The following PTPRN2 variants were observed in gnomAD, a reference collection of about 807,000 sequenced individuals.
The protein encoded by PTPRN2 is receptor-type tyrosine-protein phosphatase N2.
A neutral mutation model predicts 118.8 loss-of-function variants in PTPRN2; 74 were observed. The observed-to-expected ratio is 0.62, with a 90% CI of 0.52 to 0.76. The LOEUF (loss-of-function observed/expected upper bound fraction) is 0.76, where lower values mean the gene tolerates loss of function less well. Among genes scored for constraint, PTPRN2 ranks in the 30% least tolerant of loss-of-function variants. PTPRN2 has a pLI of 0.00. For synonymous variants in PTPRN2, 641 were observed against 608.0 expected (o/e 1.05, Z -0.80); for missense variants, 1,481 against 1,394.4 (o/e 1.06, Z -0.99).
chr7:157,818,165 AGGTGTGT>A (rs1806551226), intron 12 of PTPRN2, among the ~76,000 whole-genome samples: 4 of 148,808 alleles, frequency 2.7e-5, no homozygotes, highest in African/African-American at 9.9e-5. Flanking sequence ...TGTGTGTGGT[AGGTGTGT>A]GGTGTGTGTG....
rs138117211 is a variant in PTPRN2 at position 158,293,571 on chromosome 7, G to A, written c.277+23248C>T. Among the ~76,000 whole-genome samples the A allele has an allele frequency of 2.9e-3, 434 of 150,830 alleles. 11 individuals are homozygous for A. The highest frequency in any genetic ancestry group is 0.022 in the Admixed American group (330 of 15,202). On this transcript the variant is annotated intron_variant, in intron 3 of 22. Coordinates refer to ENST00000389418, the MANE Select transcript of PTPRN2 (RefSeq NM_002847.5). ...AGCCTAGGTGACAGAGCAAGACTCT[G>A]TCTCGAAAAAAAAAAATAGTAACTT...
chr7:158,359,578 T>A (rs1465767084), intron 2 of PTPRN2, among the ~76,000 whole-genome samples: 9 of 152,084 alleles, frequency 5.9e-5, no homozygotes, highest in Non-Finnish European at 1.2e-4. Context: ...ACACTCTAGG[T>A]TGTTTTTTCA....
chr7:158,071,392 AGGTGCTCGTGGTGGAGTTGCTCC>A (rs1811560723), intron 11 of PTPRN2, among the ~76,000 whole-genome samples: 1 of 37,742 alleles, frequency 2.6e-5, no homozygotes, highest in East Asian at 1.0e-3. Context: ...CTCGTGGTGG[AGGTGCTCGTGGTGGAGTTGCTCC>A]TGGTGGTGGA....
intron 9 of PTPRN2, among the ~76,000 whole-genome samples, chr7:158,117,659 A>G (rs1027298679): frequency 3.3e-5 from 5 of 152,198 alleles, no homozygotes; most frequent in African/African-American, 9.6e-5. Context: ...TTCTCCTCTT[A>G]CATTTGAAAG....
At chr7:157,756,373 C>A (rs1312197063) in intron 12 of PTPRN2, among the ~76,000 whole-genome samples, 1 of 151,834 alleles carries the variant, frequency 6.6e-6, no homozygotes, top group Non-Finnish European at 1.5e-5. Context: ...CGGCTCACTG[C>A]AGCCTCTGCC....
intron 1 of PTPRN2, among the ~76,000 whole-genome samples, chr7:158,534,548 G>A (rs1483012855): frequency 1.3e-5 from 2 of 152,116 alleles, no homozygotes; most frequent in Non-Finnish European, 2.9e-5. Flanking sequence ...TCTGAACTGC[G>A]ACTCTGCCCC....
chr7:158,013,688 C>T (rs1806208598), intron 11 of PTPRN2, among the ~76,000 whole-genome samples: 1 of 151,670 alleles, frequency 6.6e-6, no homozygotes, highest in South Asian at 2.1e-4. Flanking sequence ...TCTCTCCATC[C>T]ATTCACCCAC....
At chr7:158,250,264 T>G (rs1024264150) in intron 3 of PTPRN2, among the ~76,000 whole-genome samples, 40 of 152,306 alleles carry the variant, frequency 2.6e-4, no homozygotes, top group African/African-American at 8.4e-4. Context: ...ACTTAAGCCC[T>G]CATTTTTAGG....
chr7:157,847,655 C>G (rs1350405181), intron 12 of PTPRN2, among the ~76,000 whole-genome samples: 1 of 149,542 alleles, frequency 6.7e-6, no homozygotes, highest in Non-Finnish European at 1.5e-5. Flanking sequence ...ACAGAGCCCT[C>G]TCTCACTCTG....
At chr7:157,798,962 G>A (rs1323659779) in intron 12 of PTPRN2, among the ~76,000 whole-genome samples, 2 of 152,180 alleles carry the variant, frequency 1.3e-5, no homozygotes, top group African/African-American at 2.4e-5. Context: ...CAGGAGAGGA[G>A]ACCCCCGTGC....
At chr7:158,536,736 A>G (rs1467884772) in intron 1 of PTPRN2, among the ~76,000 whole-genome samples, 1 of 151,400 alleles carries the variant, frequency 6.6e-6, no homozygotes, top group Non-Finnish European at 1.5e-5. Flanking sequence ...AGGAAGACAC[A>G]AGGGCCTTCC....
intron 3 of PTPRN2, among the ~76,000 whole-genome samples, chr7:158,251,863 C>T (rs1563040689): frequency 6.6e-6 from 1 of 152,158 alleles, no homozygotes; most frequent in Non-Finnish European, 1.5e-5. Context: ...AGTAAGTGTG[C>T]AAATCCTGAA....
intron 1 of PTPRN2, among the ~76,000 whole-genome samples, chr7:158,497,735 T>C (rs7801395): frequency 0.48 from 72,395 of 152,142 alleles, 17,487 homozygotes; most frequent in East Asian, 0.68. Flanking sequence ...CCATGAACGA[T>C]GGGAGCTGAC....
At chr7:158,330,999 C>T (rs1804283256) in intron 2 of PTPRN2, among the ~76,000 whole-genome samples, 3 of 123,598 alleles carry the variant, frequency 2.4e-5, no homozygotes, top group South Asian at 3.2e-4. Context: ...TAAGAGCTGA[C>T]ACCCGCAGAC....
intron 13 of PTPRN2, among the ~76,000 whole-genome samples, chr7:157,662,546 C>T (rs1795943077): frequency 6.6e-6 from 1 of 152,204 alleles, no homozygotes; most frequent in South Asian, 2.1e-4. Context: ...GGGACCCTCC[C>T]TGAACTTGAG....
intron 2 of PTPRN2, among the ~76,000 whole-genome samples, chr7:158,337,066 G>C (rs1460359761): frequency 2.9e-5 from 4 of 138,008 alleles, no homozygotes; most frequent in East Asian, 2.3e-4. Context: ...CACCATAAGA[G>C]CTGACACCCG....
Position 157,560,864 on chromosome 7 carries a change from G to A in PTPRN2, c.2902+8038C>T, listed in dbSNP as rs1422145903. Among the ~76,000 whole-genome samples the A allele has an allele frequency of 6.6e-6, 1 of 152,140 alleles. No homozygotes were observed. Among genetic ancestry groups the A allele is most frequent in the Non-Finnish European group, 1.5e-5 (1 of 68,044 alleles). ...TCATGTTTCAGCCAAACATAAAAGC[G>A]AGACGTCTCCTGCTCAGCTTTCCCA... On this transcript the variant is annotated intron_variant, in intron 21 of 22. Coordinates refer to ENST00000389418, the MANE Select transcript of PTPRN2 (RefSeq NM_002847.5). The surrounding 1 kb of genome is among the most constrained non-coding windows in gnomAD (Gnocchi z 6.7).
chr7:158,078,425 C>T (rs1055125909), intron 11 of PTPRN2, among the ~76,000 whole-genome samples: 5 of 152,260 alleles, frequency 3.3e-5, no homozygotes, highest in Non-Finnish European at 7.3e-5. Flanking sequence ...CACCACCACA[C>T]GTCCTTCCAT....
In PTPRN2 at chr7:157,953,180, G is replaced by A. The variant is rs182699234; in HGVS notation, c.1724-54443C>T. ...TGCATGCACCATGTTGACTGTACCC[G>A]TGTGCAGCTTGCACAGAGTCCCCAG... On this transcript the variant is annotated intron_variant, in intron 11 of 22. Coordinates refer to ENST00000389418, the MANE Select transcript of PTPRN2 (RefSeq NM_002847.5). This position sits in a 1 kb window ranked among gnomAD's most constrained non-coding sequence, Gnocchi z 4.6. Among the ~76,000 whole-genome samples the A allele has an allele frequency of 3.8e-4, 58 of 152,328 alleles. No homozygotes were observed. Among genetic ancestry groups the A allele is most frequent in the African/African-American group, 9.6e-4 (40 of 41,578 alleles).
Sources: allele counts gnomAD v4.1 joint callset (sites outside exome capture counted in the v4.1 genomes callset), GRCh38; gene constraint gnomAD v4.1.1; non-coding constraint Gnocchi (gnomAD v3.1); transcripts MANE v1.5; gene names NCBI Gene and HGNC (gene_info 2026-07-23, HGNC 2026-07-21).